SORCS1: variants seen among roughly 807,000 people sequenced by gnomAD.
SORCS1 encodes VPS10 domain-containing receptor SorCS1.
A neutral mutation model predicts 146.1 loss-of-function variants in SORCS1; 60 were observed. The observed-to-expected ratio is 0.41, with a 90% confidence interval of 0.33 to 0.51. The LOEUF (loss-of-function observed/expected upper bound fraction) is 0.51, where lower values mean the gene tolerates loss of function less well. Among genes scored for constraint, SORCS1 ranks in the 20% least tolerant of loss-of-function variants. The pLI, the probability that SORCS1 is intolerant of heterozygous loss-of-function variation, is 0.21. For synonymous variants in SORCS1, 637 were observed against 584.0 expected, an observed-to-expected ratio of 1.09 and a Z score of -1.31; for missense variants, 1,352 against 1,487.6, an observed-to-expected ratio of 0.91 and a Z score of 1.50.
At chr10:106,962,124 G>A (rs1955253503) in intron 1 of SORCS1, among the ~76,000 whole-genome samples, 1 of 151,958 alleles carries the variant, frequency 6.6e-6, no homozygotes, top group Non-Finnish European at 1.5e-5. Context: ...TCAGGGCTGG[G>A]CGTGGTGGCT....
At chr10:106,593,820 T>C (rs1445053158) in intron 24 of SORCS1, among the ~76,000 whole-genome samples, 1 of 152,220 alleles carries the variant, frequency 6.6e-6, no homozygotes, top group Non-Finnish European at 1.5e-5. Context: ...CACATACCTA[T>C]ACTGCAAGGG....
intron 2 of SORCS1, among the ~76,000 whole-genome samples, chr10:106,917,821 C>T (rs1002906025): frequency 6.6e-6 from 1 of 152,216 alleles, no homozygotes; most frequent in Non-Finnish European, 1.5e-5. Flanking sequence ...TGTTCCACTA[C>T]AGCCAAGGTA....
intron 1 of SORCS1, among the ~76,000 whole-genome samples, chr10:107,029,100 G>A (rs1449220608): frequency 6.6e-6 from 1 of 152,194 alleles, no homozygotes; most frequent in East Asian, 1.9e-4. Flanking sequence ...TTACTATATA[G>A]TAAGCCCATA....
chr10:106,609,025 C>T (rs1052847891), intron 22 of SORCS1, among the ~76,000 whole-genome samples: 4 of 152,204 alleles, frequency 2.6e-5, no homozygotes, highest in Non-Finnish European at 5.9e-5. Context: ...CAATAAGTGT[C>T]TCCCTGAACA....
chr10:106,873,240 G>A (rs1950477182), intron 2 of SORCS1, among the ~76,000 whole-genome samples: 1 of 151,800 alleles, frequency 6.6e-6, no homozygotes, highest in South Asian at 2.1e-4. Context: ...TTGAACCCGG[G>A]AGGCAGAGGT....
At chr10:106,797,872 T>C (rs1429760941) in intron 3 of SORCS1, among the ~76,000 whole-genome samples, 1 of 152,062 alleles carries the variant, frequency 6.6e-6, no homozygotes, top group African/African-American at 2.4e-5. Flanking sequence ...CACATAATCC[T>C]CTAAAATGTT....
chr10:107,178,244 C>T, the SORCS1 span, among the ~76,000 whole-genome samples: 1 of 152,116 alleles, frequency 6.6e-6, no homozygotes, highest in Non-Finnish European at 1.5e-5. Flanking sequence ...GAACTTACTC[C>T]TGTGTAGCTG....
At chr10:107,116,129 G>T (rs1966022435) in intron 1 of SORCS1, among the ~76,000 whole-genome samples, 1 of 147,620 alleles carries the variant, frequency 6.8e-6, no homozygotes, top group Non-Finnish European at 1.5e-5. Context: ...ATTGGTGAAG[G>T]TGGGAAAAAA....
At chr10:107,072,577 AC>A (rs1272223913) in intron 1 of SORCS1, among the ~76,000 whole-genome samples, 5 of 152,058 alleles carry the variant, frequency 3.3e-5, no homozygotes, top group Admixed American at 3.3e-4. Flanking sequence ...ATCTTCATAT[AC>A]TTACATATAT....
chr10:107,127,463 C>T (rs565606591), intron 1 of SORCS1, among the ~76,000 whole-genome samples: 2 of 152,198 alleles, frequency 1.3e-5, no homozygotes, highest in East Asian at 3.9e-4. Flanking sequence ...TGTTCATTTT[C>T]TTAAGTATTC....
At chr10:107,159,480 G>C (rs1361722007) in intron 1 of SORCS1, among the ~76,000 whole-genome samples, 1 of 152,110 alleles carries the variant, frequency 6.6e-6, no homozygotes, top group Non-Finnish European at 1.5e-5. Context: ...ATTCCCAGTA[G>C]AGAAATCTTT....
chr10:106,977,048 T>C (rs953164096), intron 1 of SORCS1, among the ~76,000 whole-genome samples: 1 of 152,190 alleles, frequency 6.6e-6, no homozygotes, highest in African/African-American at 2.4e-5. Flanking sequence ...CCTTTGCGTA[T>C]ATACCCAGTA....
At chr10:107,038,996 A>G (rs780625496) in intron 1 of SORCS1, among the ~76,000 whole-genome samples, 1 of 152,176 alleles carries the variant, frequency 6.6e-6, no homozygotes, top group Non-Finnish European at 1.5e-5. Context: ...AAGTAATATG[A>G]AAGTAATCTA....
chr10:106,629,302 C>A lies in SORCS1; in HGVS notation c.2562G>T (p.Gly854=), dbSNP rs1475257154. ...SYVNLSSMED[G]IKHVYQNVGI... is the part of the protein sequence containing the mutation. ...CCACGTTCTGATAGACGTGTTTGAT[C>A]CCATCTTCCATGGAGCTGAGATTGA... is the stretch of plus-strand genomic sequence containing the variant. The change falls in exon 19 of 26, where the codon GGG becomes GGT. Residue 854 remains glycine, a synonymous_variant. Coordinates refer to ENST00000263054, the MANE Select transcript of SORCS1 (RefSeq NM_052918.5). 1 of 1,614,136 alleles carries A rather than the reference C, an allele frequency of 6.2e-7. No homozygotes were observed. The highest frequency in any genetic ancestry group is 8.5e-7 in the Non-Finnish European group (1 of 1,180,010).
chr10:106,843,429 CTT>C (rs141378677), intron 2 of SORCS1, among the ~76,000 whole-genome samples: 1 of 116,802 alleles, frequency 8.6e-6, no homozygotes, highest in Non-Finnish European at 1.6e-5. Flanking sequence ...GCAGGATTTC[CTT>C]TTTTTTTTTT....
At chr10:107,082,962 A>T (rs1963445804) in intron 1 of SORCS1, among the ~76,000 whole-genome samples, 1 of 151,948 alleles carries the variant, frequency 6.6e-6, no homozygotes, top group Non-Finnish European at 1.5e-5. Context: ...AAAAAAAATT[A>T]GCCAGGCGTG....
At chr10:106,626,384 G>C (rs1346151562) in intron 19 of SORCS1, among the ~76,000 whole-genome samples, 1 of 152,152 alleles carries the variant, frequency 6.6e-6, no homozygotes, top group Non-Finnish European at 1.5e-5. Flanking sequence ...GGCTCAGAGA[G>C]ATGGAGTGAC....
intron 2 of SORCS1, among the ~76,000 whole-genome samples, chr10:106,955,326 G>T (rs968037556): frequency 1.3e-5 from 2 of 152,212 alleles, no homozygotes; most frequent in African/African-American, 4.8e-5. Flanking sequence ...CATACACCTG[G>T]TCCAGCCACA....
intron 2 of SORCS1, among the ~76,000 whole-genome samples, chr10:106,881,913 G>T (rs1950816859): frequency 6.6e-6 from 1 of 152,210 alleles, no homozygotes; most frequent in Non-Finnish European, 1.5e-5. Context: ...GCACAGAAAT[G>T]AATAGAAGTT....
Sources: allele counts gnomAD v4.1 joint callset (sites outside exome capture counted in the v4.1 genomes callset), GRCh38; gene constraint gnomAD v4.1.1; transcripts MANE v1.5; gene names NCBI Gene and HGNC (gene_info 2026-07-23, HGNC 2026-07-21).